Variants in PARP14 observed in about 807,000 individuals in gnomAD.
PARP14 encodes the protein poly(ADP-ribose) polymerase family member 14.
In PARP14, 59 loss-of-function variants were observed where a neutral mutation model predicts 154.2. That is an observed-to-expected ratio of 0.38 (90% CI 0.31 to 0.48). The LOEUF is 0.48. PARP14 is among the 20% of genes least tolerant of loss of function. The pLI is 0.98. For missense variants in PARP14, 1,734 were observed against 2,131.6 expected (o/e 0.81, Z 3.67); for synonymous variants, 720 against 780.5 (o/e 0.92, Z 1.29).
chr3:122,728,114 G>T, intron 16 of PARP14, 128 bp downstream of exon 16: 1 of 947,234 alleles, frequency 1.1e-6, no homozygotes. Flanking sequence ...GAGTTTCAGG[G>T]TAGGACTCAC....
At position 122,701,413 on chromosome 3, in the gene PARP14, C is replaced by T; in HGVS notation, c.2859C>T (p.Cys953=). The T allele has an allele frequency of 6.2e-7, 1 of 1,613,952 alleles. No individual in the cohort carries two copies. The highest frequency in any genetic ancestry group is 8.5e-7 in the Non-Finnish European group (1 of 1,179,806). Reference sequence around the variant, plus strand: ...TCCAATTCAAGAAGGATGGACACTGCTTGAAAGAAATCTACCTTGTGGATG... The same window carrying T: ...TCCAATTCAAGAAGGATGGACACTGTTTGAAAGAAATCTACCTTGTGGATG... ...ENFQFKKDGH[C]LKEIYLVDVS... Residue 953 remains cysteine (C), a synonymous_variant, in exon 6 of 17, where the codon TGC becomes TGT. Transcript: ENST00000474629. This position sits in a 1 kb window ranked among gnomAD's most constrained non-coding sequence, Gnocchi z 4.0.
At chr3:122,704,079 C>T in intron 7 of PARP14, 101 bp downstream of exon 7, 4 of 767,502 alleles carry the variant, frequency 5.2e-6, no homozygotes, top group East Asian at 5.0e-5. Flanking sequence ...GTCTGTTTCT[C>T]TTCCATAATA....
chr3:122,722,524 A>G (rs1933186612), intron 15 of PARP14: 1 of 152,112 alleles, frequency 6.6e-6, no homozygotes. Context: ...TGATTTCAAC[A>G]CTTTTTTGCA....
At position 122,729,541 on chromosome 3, in the gene PARP14, TCTC is replaced by T. The variant is rs1933373912; in HGVS notation, c.*947_*949del. On this transcript the variant is annotated 3_prime_UTR_variant, in exon 17 of 17. Transcript: ENST00000474629. Reference sequence around the variant, plus strand: ...CCACTGCCTCCCAGGTTCAAGTGATTCTCCTGCCTCAGCCTCCCGAGTAGCTGG... The same window carrying T: ...CCACTGCCTCCCAGGTTCAAGTGATTCTGCCTCAGCCTCCCGAGTAGCTGG... The T allele has an allele frequency of 6.6e-6, 1 of 152,318 alleles. No homozygotes were observed. Among genetic ancestry groups the T allele is most frequent in the Non-Finnish European group, 1.5e-5 (1 of 68,346 alleles). The allele number at this position is 152,318 out of a possible 1,614,324, so 9.4% of individuals were successfully genotyped here. A position where few individuals can be genotyped will look rare whatever the true frequency, so the allele number is the denominator to read the frequency against.
At position 122,700,652 on chromosome 3, in the gene PARP14, G is replaced by GTTT; in HGVS notation, c.2099_2100insTTT (p.Val700_Asn701insLeu). The GTTT allele has an allele frequency of 6.2e-7, 1 of 1,607,166 alleles. No individual in the cohort carries two copies. The highest frequency in any genetic ancestry group is 8.5e-7 in the Non-Finnish European group (1 of 1,176,448). ...GCTATTCTGGCCAAAGATAAAGAAG[G>GTTT]TAAATGTGCAGGTAAGTTTCAATCC... is the stretch of plus-strand genomic sequence containing the variant. On this transcript the variant is annotated inframe_insertion, in exon 6 of 17. Transcript: ENST00000474629.
chr3:122,685,472 G>T (rs1271599250), intron 2 of PARP14, among the ~76,000 whole-genome samples, 154 bp downstream of exon 2: 1 of 151,916 alleles, frequency 6.6e-6, no homozygotes, highest in Non-Finnish European at 1.5e-5. Context: ...GAGGGCAGTG[G>T]TAGGGTAGGG....
chr3:122,694,798 G>A (rs569904936), intron 4 of PARP14, among the ~76,000 whole-genome samples: 4 of 152,092 alleles, frequency 2.6e-5, no homozygotes, highest in East Asian at 1.9e-4. Flanking sequence ...TAGATTACAG[G>A]CATGAACCAC....
Position 122,729,580 on chromosome 3 carries a change from A to G in PARP14, c.*983A>G, listed in dbSNP as rs1933375441. On this transcript the variant is annotated 3_prime_UTR_variant, in exon 17 of 17. Transcript: ENST00000474629. ...CTCCCGAGTAGCTGGGATTACAGGC[A>G]TGCGCTAACACACCCAGCTAATTTT... 6.6e-6 allele frequency: 1 copy of G among 152,224 alleles called. No homozygotes were observed. The highest frequency in any genetic ancestry group is 1.5e-5 in the Non-Finnish European group (1 of 68,138). 9.4% of individuals were successfully genotyped at this position (152,224 alleles called of 1,614,324 possible).
chr3:122,725,662 T>C (rs1933269948), intron 15 of PARP14, among the ~76,000 whole-genome samples: 1 of 152,186 alleles, frequency 6.6e-6, no homozygotes, highest in South Asian at 2.1e-4. Context: ...CTTTTAATCT[T>C]ATAATAAGTG....
intron 8 of PARP14, among the ~76,000 whole-genome samples, chr3:122,706,996 G>A (rs79229868): frequency 0.032 from 4,936 of 152,228 alleles, 256 homozygotes; most frequent in East Asian, 0.15. Context: ...TTTACAATTG[G>A]CAAGTTATTT....
chr3:122,705,606 G>A (rs1293146304), intron 8 of PARP14, among the ~76,000 whole-genome samples: 1 of 152,146 alleles, frequency 6.6e-6, no homozygotes, highest in African/African-American at 2.4e-5. Flanking sequence ...CCTGCACTCC[G>A]AGTCTTTACT....
chr3:122,700,119 G>A lies in PARP14; in HGVS notation c.1565G>A (p.Cys522Tyr). Residue 522 changes from cysteine to tyrosine, a missense_variant, in exon 6 of 17, where the codon TGT (cysteine) becomes TAT (tyrosine). Around this residue, in one of 2 missense-constraint regions of PARP14, gnomAD observed 1,646 missense variants for 1,976.0 expected, o/e 0.83. Coordinates refer to ENST00000474629, the MANE Select transcript of PARP14 (RefSeq NM_017554.3). ...GPSADVYKAK[C>Y]EIQEKVYTMA... ...AGTGCAGATGTGTATAAAGCAAAGT[G>A]TGAAATCCAGGAAAAGGTGTACACC... 6.2e-7 allele frequency: 1 copy of A among 1,613,748 alleles called. No homozygotes were observed. Among genetic ancestry groups the A allele is most frequent in the Non-Finnish European group, 8.5e-7 (1 of 1,179,746 alleles).
At position 122,699,814 on chromosome 3, in the gene PARP14, C is replaced by G; in HGVS notation, c.1260C>G (p.Asp420Glu). The G allele has an allele frequency of 6.2e-7, 1 of 1,613,906 alleles. No individual in the cohort carries two copies. The highest frequency in any genetic ancestry group is 8.5e-7 in the Non-Finnish European group (1 of 1,179,822). Residue 420 changes from aspartate (D) to glutamate (E), a missense_variant, in exon 6 of 17, where the codon GAC (aspartate) becomes GAG (glutamate). Physicochemically the swap from Asp to Glu is conservative, Grantham distance 45 (BLOSUM62 2). Around this residue, in one of 2 missense-constraint regions of PARP14, gnomAD observed 1,646 missense variants for 1,976.0 expected, o/e 0.83. Transcript: ENST00000474629. ...CCATAAAAAATGATGTGAAAGATGA[C>G]AGGATTTTGATTGAGTTTGATACAC... Reference protein sequence around the residue: ...WDTIKNDVKDDRILIEFDTLK... With the variant: ...WDTIKNDVKDERILIEFDTLK...
chr3:122,715,132 A>G (rs1027614446), intron 12 of PARP14, among the ~76,000 whole-genome samples: 2 of 151,836 alleles, frequency 1.3e-5, no homozygotes, highest in Non-Finnish European at 2.9e-5. Context: ...ACTGGGGTAC[A>G]TGGGCAGAAT....
At position 122,685,269 on chromosome 3, in the gene PARP14, C is replaced by A. The variant is rs1481367778; in HGVS notation, c.272C>A (p.Ala91Glu). ...TTCAAGTTAACTGTCCAGTTACCTGCAACCCCAGATGAAATCGATCATGTC... is the reference window on the plus strand; with the variant it reads ...TTCAAGTTAACTGTCCAGTTACCTGAAACCCCAGATGAAATCGATCATGTC... The part of the protein sequence containing the change: ...GTFKLTVQLP[A>E]TPDEIDHVFE... The change falls in exon 2 of 17, where the codon GCA becomes GAA. Residue 91 changes from alanine (A) to glutamate (E), a missense_variant. By Grantham distance (107) the Ala-to-Glu change is moderately radical. Transcript: ENST00000474629. 1.2e-6 allele frequency: 2 copies of A among 1,613,632 alleles called. No homozygotes were observed. The highest frequency in any genetic ancestry group is 1.7e-6 in the Non-Finnish European group (2 of 1,179,574).
At position 122,699,739 on chromosome 3, in the gene PARP14, G is replaced by A. The variant is rs368434831; in HGVS notation, c.1185G>A (p.Arg395=). The part of the protein sequence containing the change: ...ADTSTTLSSI[R]SKYKVNPIKV... ...CTTCCACAACACTCTCTAGCATCAG[G>A]TCTAAATATAAAGTCAACCCAATTA... is the stretch of plus-strand genomic sequence containing the variant. The change falls in exon 6 of 17, where the codon AGG becomes AGA. Residue 395 remains arginine (R), a synonymous_variant. Transcript: ENST00000474629. 3.1e-6 allele frequency: 5 copies of A among 1,613,904 alleles called. No individual in the cohort carries two copies. The South Asian group carries it at 4.4e-5, about 14-fold the overall frequency.
Position 122,701,015 on chromosome 3 carries a change from A to G in PARP14, c.2461A>G (p.Asn821Asp). 1 of 1,613,962 alleles carries G rather than the reference A, an allele frequency of 6.2e-7. No individual in the cohort carries two copies. Among genetic ancestry groups the G allele is most frequent in the Non-Finnish European group, 8.5e-7 (1 of 1,179,880 alleles). The change falls in exon 6 of 17, where the codon AAT (asparagine) becomes GAT (aspartate). Residue 821 changes from asparagine (N) to aspartate (D), a missense_variant. Transcript: ENST00000474629. This position sits in a 1 kb window ranked among gnomAD's most constrained non-coding sequence, Gnocchi z 4.0. ...ACGGCTTCCTGTCGATGTGGTGGTG[A>G]ATGCATCTAATGAGGACCTTAAGCA... ...LARLPVDVVV[N>D]ASNEDLKHYG... is the part of the protein sequence containing the mutation.
Position 122,685,314 on chromosome 3 carries a change from C to T in PARP14, c.317C>T (p.Thr106Ile). 6.2e-7 allele frequency: 1 copy of T among 1,613,468 alleles called. No individual in the cohort carries two copies. The highest frequency in any genetic ancestry group is 1.1e-5 in the South Asian group (1 of 91,046). The change falls in exon 2 of 17, where the codon ACA (threonine) becomes ATA (isoleucine). Residue 106 changes from threonine to isoleucine, a missense_variant. Physicochemically the swap from Thr to Ile is moderately conservative, Grantham distance 89 (BLOSUM62 -1). Coordinates refer to ENST00000474629, the MANE Select transcript of PARP14 (RefSeq NM_017554.3). The part of the protein sequence containing the change: ...IDHVFEEELL[T>I]KESKTKEDVK... ...CATGTCTTTGAAGAGGAACTTCTAA[C>T]AAAAGCAAGTAAACTTTAGGCATGA...
At chr3:122,727,629 C>T (rs1355783319) in intron 15 of PARP14, among the ~76,000 whole-genome samples, 183 bp from the exon 16 acceptor site, 2 of 152,218 alleles carry the variant, frequency 1.3e-5, no homozygotes, top group Non-Finnish European at 2.9e-5. Context: ...ACATTCTTCC[C>T]ATTGCCTGTT....
Sources: gnomAD v4.1 joint callset for allele counts (sites outside exome capture counted in the v4.1 genomes callset) on GRCh38, gnomAD v4.1.1 for gene constraint, gnomAD v4.1.1 regional missense constraint, Gnocchi (gnomAD v3.1) non-coding constraint, MANE v1.5 for transcripts, NCBI Gene and HGNC (gene_info 2026-07-23, HGNC 2026-07-21) for gene names.